Variants in DRC11 observed in about 807,000 individuals in gnomAD.
The protein encoded by DRC11 is IQ and AAA domain-containing protein 1.
chr2:236,317,180 C>T, the DRC11 span, among the ~76,000 whole-genome samples: 4 of 151,988 alleles, frequency 2.6e-5, no homozygotes, highest in African/African-American at 4.8e-5. This position sits in a 1 kb window ranked among gnomAD's most constrained non-coding sequence, Gnocchi z 5.4. Context: ...CTTGTAGTCC[C>T]GGCTACTCAG....
the DRC11 span, chr2:236,380,778 G>A: frequency 1.5e-6 from 1 of 671,540 alleles, no homozygotes; most frequent in South Asian, 1.8e-5. This position sits in a 1 kb window ranked among gnomAD's most constrained non-coding sequence, Gnocchi z 4.9. Context: ...GAGCTGCCGT[G>A]TTTTCATGAA....
At chr2:236,336,624 C>T in the DRC11 span, among the ~76,000 whole-genome samples, 4 of 152,292 alleles carry the variant, frequency 2.6e-5, no homozygotes, top group East Asian at 7.7e-4. The surrounding 1 kb of genome is among the most constrained non-coding windows in gnomAD (Gnocchi z 7.3). Context: ...CTATCTCCCG[C>T]CTCCTCAGCG....
At chr2:236,337,983 T>C in the DRC11 span, among the ~76,000 whole-genome samples, 1 of 152,226 alleles carries the variant, frequency 6.6e-6, no homozygotes, top group Non-Finnish European at 1.5e-5. The surrounding 1 kb of genome is among the most constrained non-coding windows in gnomAD (Gnocchi z 4.9). Context: ...AGTTTCCTTT[T>C]GTCTTGGGTA....
the DRC11 span, among the ~76,000 whole-genome samples, chr2:236,355,898 C>T: frequency 6.6e-6 from 1 of 152,114 alleles, no homozygotes; most frequent in Non-Finnish European, 1.5e-5. Flanking sequence ...CTGCTGACAC[C>T]TGGACTAGCT....
chr2:236,350,263 G>C, the DRC11 span, among the ~76,000 whole-genome samples: 1 of 152,136 alleles, frequency 6.6e-6, no homozygotes, highest in Non-Finnish European at 1.5e-5. This position sits in a 1 kb window ranked among gnomAD's most constrained non-coding sequence, Gnocchi z 5.2. Flanking sequence ...AGAACTAATG[G>C]GGGAATTCCA....
the DRC11 span, among the ~76,000 whole-genome samples, chr2:236,448,846 C>T: frequency 2.0e-5 from 3 of 151,874 alleles, no homozygotes; most frequent in South Asian, 2.1e-4. The surrounding 1 kb of genome is among the most constrained non-coding windows in gnomAD (Gnocchi z 5.3). Context: ...TGACAGAGGG[C>T]GCTGTTAGTT....
the DRC11 span, among the ~76,000 whole-genome samples, chr2:236,320,544 C>T: frequency 1.3e-5 from 2 of 152,094 alleles, no homozygotes; most frequent in South Asian, 2.1e-4. Flanking sequence ...GGTGAAGCCC[C>T]GACGGTCTCC....
chr2:236,402,954 T>A, the DRC11 span, among the ~76,000 whole-genome samples: 1 of 152,246 alleles, frequency 6.6e-6, no homozygotes. The surrounding 1 kb of genome is among the most constrained non-coding windows in gnomAD (Gnocchi z 6.0). Context: ...TCTGTCTGTC[T>A]CTCTCTTTCC....
chr2:236,321,481 G>A, the DRC11 span, among the ~76,000 whole-genome samples: 22 of 151,942 alleles, frequency 1.4e-4, no homozygotes, highest in South Asian at 4.2e-4. Flanking sequence ...ATATCTAAGC[G>A]TATCTACACT....
At chr2:236,426,512 T>C in the DRC11 span, among the ~76,000 whole-genome samples, 1 of 150,364 alleles carries the variant, frequency 6.7e-6, no homozygotes, top group East Asian at 1.9e-4. This position sits in a 1 kb window ranked among gnomAD's most constrained non-coding sequence, Gnocchi z 4.1. Context: ...ACTAAATTTG[T>C]TCGTCAGTTC....
chr2:236,334,226 CTATTGCTTT>C, the DRC11 span, among the ~76,000 whole-genome samples: 22 of 152,264 alleles, frequency 1.4e-4, no homozygotes, highest in South Asian at 4.6e-3. The surrounding 1 kb of genome is among the most constrained non-coding windows in gnomAD (Gnocchi z 7.8). Context: ...AGAATCGCTT[CTATTGCTTT>C]TACACAATCA....
the DRC11 span, among the ~76,000 whole-genome samples, chr2:236,371,719 G>C: frequency 1.3e-5 from 2 of 152,186 alleles, no homozygotes; most frequent in Admixed American, 6.5e-5. This position sits in a 1 kb window ranked among gnomAD's most constrained non-coding sequence, Gnocchi z 5.1. Flanking sequence ...GATTCTTCAG[G>C]AAGGGCTCAG....
chr2:236,426,568 T>C, the DRC11 span, among the ~76,000 whole-genome samples: 1 of 152,206 alleles, frequency 6.6e-6, no homozygotes, highest in South Asian at 2.1e-4. This position sits in a 1 kb window ranked among gnomAD's most constrained non-coding sequence, Gnocchi z 4.1. Flanking sequence ...TTTTTCTTTT[T>C]CAAAATTTTT....
At chr2:236,359,566 C>G in the DRC11 span, among the ~76,000 whole-genome samples, 2 of 152,156 alleles carry the variant, frequency 1.3e-5, no homozygotes, top group Admixed American at 1.3e-4. The surrounding 1 kb of genome is among the most constrained non-coding windows in gnomAD (Gnocchi z 4.3). Context: ...TCAGGCCCTT[C>G]TGTTATTTCA....
the DRC11 span, among the ~76,000 whole-genome samples, chr2:236,374,299 A>C: frequency 6.6e-6 from 1 of 152,078 alleles, no homozygotes; most frequent in Non-Finnish European, 1.5e-5. Context: ...CAAGCTAAGG[A>C]CCTTAACTGG....
the DRC11 span, among the ~76,000 whole-genome samples, chr2:236,431,279 G>T: frequency 6.6e-6 from 1 of 152,150 alleles, no homozygotes; most frequent in Admixed American, 6.5e-5. This position sits in a 1 kb window ranked among gnomAD's most constrained non-coding sequence, Gnocchi z 4.2. Context: ...AAAGTAAAGA[G>T]GTTTACTTGA....
chr2:236,432,545 T>C, the DRC11 span, among the ~76,000 whole-genome samples: 4 of 152,288 alleles, frequency 2.6e-5, no homozygotes, highest in East Asian at 5.8e-4. Context: ...TCGAATTCAT[T>C]TGAGTTTTCT....
the DRC11 span, among the ~76,000 whole-genome samples, chr2:236,380,252 A>C: frequency 6.6e-6 from 1 of 152,232 alleles, no homozygotes; most frequent in Non-Finnish European, 1.5e-5. This position sits in a 1 kb window ranked among gnomAD's most constrained non-coding sequence, Gnocchi z 4.9. Flanking sequence ...GTGAGAACTC[A>C]GAGTCTCCGT....
chr2:236,370,514 G>T, the DRC11 span, among the ~76,000 whole-genome samples: 29 of 152,150 alleles, frequency 1.9e-4, no homozygotes, highest in African/African-American at 6.5e-4. The surrounding 1 kb of genome is among the most constrained non-coding windows in gnomAD (Gnocchi z 5.5). Context: ...CTGGAGGTCT[G>T]GGGGGCCTTC....
Sources: allele counts gnomAD v4.1 joint callset (sites outside exome capture counted in the v4.1 genomes callset), GRCh38; gene constraint gnomAD v4.1.1; non-coding constraint Gnocchi (gnomAD v3.1); transcripts MANE v1.5; gene names NCBI Gene and HGNC (gene_info 2026-07-23, HGNC 2026-07-21).